Variants in IDE observed in about 807,000 individuals in gnomAD.
IDE encodes insulin degrading enzyme.
IDE carries 58 observed loss-of-function variants against 133.2 expected under a neutral mutation model. The ratio of observed to expected loss-of-function variants is 0.44; its 90% CI spans 0.35 to 0.54. The LOEUF (loss-of-function observed/expected upper bound fraction) is 0.54. Ranked by LOEUF, IDE falls within the 20% of genes least tolerant of loss-of-function variation. The pLI is 0.00. For missense variants in IDE, 981 were observed against 1,234.0 expected (o/e 0.79, Z 3.07); for synonymous variants, 396 against 421.3 (o/e 0.94, Z 0.73).
intron 11 of IDE, among the ~76,000 whole-genome samples, chr10:92,498,186 C>G (rs1222553653): frequency 1.3e-5 from 2 of 152,152 alleles, no homozygotes; most frequent in African/African-American, 4.8e-5. Context: ...TTTCACAAGT[C>G]CCCCTTTCAG....
At chr10:92,483,759 C>T (rs898507574) in intron 13 of IDE, among the ~76,000 whole-genome samples, 3 of 152,160 alleles carry the variant, frequency 2.0e-5, no homozygotes, top group African/African-American at 7.2e-5. Flanking sequence ...GGTCCCCTCC[C>T]ACACTACACC....
At chr10:92,567,843 C>A (rs371226702) in intron 1 of IDE, among the ~76,000 whole-genome samples, 48 of 152,288 alleles carry the variant, frequency 3.2e-4, no homozygotes, top group African/African-American at 9.9e-4. Context: ...CATGGTGGCA[C>A]AAGTCTGTAG....
chr10:92,572,821 T>G, intron 1 of IDE: 2 of 925,330 alleles, frequency 2.2e-6, no homozygotes. Context: ...CACTCCAACC[T>G]TTCTGCCATT....
intron 1 of IDE, among the ~76,000 whole-genome samples, chr10:92,566,021 C>T (rs900981446): frequency 7.3e-5 from 11 of 151,456 alleles, no homozygotes; most frequent in African/African-American, 2.4e-4. Context: ...AAAAGACTAC[C>T]ACCACCACTC....
chr10:92,573,966 G>T lies in IDE; in HGVS notation c.54C>A (p.Arg18=). Residue 18 remains arginine (R), a synonymous_variant, in exon 1 of 25, where the codon CGC becomes CGA. Transcript: ENST00000265986. ...LLHPALPSTF[R]SVLGARLPPP... ...GCGGCAGGCGGGCGCCGAGGACTGA[G>T]CGGAAGGTGCTGGGCAGTGCGGGGT... 1 of 1,489,078 alleles carries T rather than the reference G, an allele frequency of 6.7e-7. No homozygotes were observed. The highest frequency in any genetic ancestry group is 8.9e-7 in the Non-Finnish European group (1 of 1,123,898). The allele number at this position is 1,489,078 out of a possible 1,614,324, so 92.2% of individuals were successfully genotyped here. A position where few individuals can be genotyped will look rare whatever the true frequency, so the allele number is the denominator to read the frequency against.
chr10:92,531,672 T>C (rs1849932039), intron 4 of IDE, 76 bp downstream of exon 4: 1 of 565,412 alleles, frequency 1.8e-6, no homozygotes, highest in Non-Finnish European at 2.6e-6. Flanking sequence ...AAATATATTT[T>C]ATATATACAT....
intron 3 of IDE, among the ~76,000 whole-genome samples, chr10:92,532,992 T>G (rs1850028279): frequency 6.6e-6 from 1 of 152,228 alleles, no homozygotes; most frequent in Non-Finnish European, 1.5e-5. Flanking sequence ...ATCTGGAGTC[T>G]ATAATCAAAG....
intron 2 of IDE, among the ~76,000 whole-genome samples, chr10:92,535,759 G>T (rs867242384): frequency 7.2e-5 from 11 of 152,342 alleles, no homozygotes; most frequent in Middle Eastern, 6.8e-3. Context: ...AACTCGGCCA[G>T]GCACAGTGGC....
At chr10:92,532,976 C>CT (rs1468872427) in intron 3 of IDE, among the ~76,000 whole-genome samples, 3 of 152,144 alleles carry the variant, frequency 2.0e-5, no homozygotes, top group Non-Finnish European at 4.4e-5. Flanking sequence ...AGGGGAAACT[C>CT]TATCTATCTG....
At chr10:92,536,383 CA>C (rs58280739) in intron 2 of IDE, among the ~76,000 whole-genome samples, 6,317 of 54,840 alleles carry the variant, frequency 0.12, 505 homozygotes, top group African/African-American at 0.3. Flanking sequence ...AACTCCGTCT[CA>C]AAAAAAAAAA....
chr10:92,481,027 A>T, intron 14 of IDE: 4 of 351,012 alleles, frequency 1.1e-5, no homozygotes, highest in Non-Finnish European at 1.6e-5. Context: ...ATCTGAATAA[A>T]TGTTCTGCCA....
At chr10:92,553,538 G>A (rs138251119) in intron 1 of IDE, among the ~76,000 whole-genome samples, 47 of 151,740 alleles carry the variant, frequency 3.1e-4, no homozygotes, top group Admixed American at 8.5e-4. Context: ...GCCAGACAAG[G>A]ACATTACAAG....
chr10:92,489,117 C>T (rs934057788), intron 12 of IDE, among the ~76,000 whole-genome samples: 3 of 151,994 alleles, frequency 2.0e-5, no homozygotes, highest in Non-Finnish European at 4.4e-5. Flanking sequence ...TTCTTAGTTC[C>T]TGCATTTGTG....
At chr10:92,533,155 T>C (rs963644465) in intron 3 of IDE, among the ~76,000 whole-genome samples, 1 of 152,220 alleles carries the variant, frequency 6.6e-6, no homozygotes, top group Non-Finnish European at 1.5e-5. Flanking sequence ...GTTTTTTAAA[T>C]GATCCTCTTA....
At chr10:92,488,129 G>A (rs1847112141) in intron 12 of IDE, among the ~76,000 whole-genome samples, 1 of 146,500 alleles carries the variant, frequency 6.8e-6, no homozygotes, top group Non-Finnish European at 1.5e-5. Context: ...TTTTCAGACA[G>A]AATCTCACTC....
intron 20 of IDE, 27 bp downstream of exon 20, chr10:92,465,649 C>T (rs369455056): frequency 1.9e-6 from 3 of 1,592,480 alleles, no homozygotes. Context: ...TCTACAGTAC[C>T]CTGCTATTTC....
At chr10:92,552,866 A>AAAAAAAAAAAAAAAAAAAAAAAC in intron 1 of IDE, among the ~76,000 whole-genome samples, 1 of 149,046 alleles carries the variant, frequency 6.7e-6, no homozygotes, top group Non-Finnish European at 1.5e-5. Context: ...TCAAAAAAAA[A>AAAAAAAAAAAAAAAAAAAAAAAC]AAAAAAAAAA....
intron 22 of IDE, among the ~76,000 whole-genome samples, chr10:92,459,235 C>G (rs1444298593): frequency 2.6e-5 from 4 of 152,148 alleles, no homozygotes; most frequent in Admixed American, 2.6e-4. Flanking sequence ...CCATTTTCCT[C>G]AAAGAAACTA....
chr10:92,515,501 C>T (rs1165738606), intron 4 of IDE, among the ~76,000 whole-genome samples: 9 of 150,910 alleles, frequency 6.0e-5, no homozygotes, highest in Middle Eastern at 3.2e-3. Context: ...CCTCGTGATC[C>T]GCCCGCCTCA....
Sources: allele counts gnomAD v4.1 joint callset (sites outside exome capture counted in the v4.1 genomes callset), GRCh38; gene constraint gnomAD v4.1.1; transcripts MANE v1.5; gene names NCBI Gene and HGNC (gene_info 2026-07-23, HGNC 2026-07-21).